Variants in PSMD14 observed in about 807,000 individuals in gnomAD.
The protein encoded by PSMD14 is ubiquitin C-terminal hydrolase PSMD14.
Under a neutral mutation model 41.2 loss-of-function variants are expected in PSMD14, and 7 were observed. The ratio of observed to expected loss-of-function variants is 0.17; its 90% CI spans 0.10 to 0.32. The LOEUF is 0.32. Ranked by LOEUF, PSMD14 falls within the 10% of genes least tolerant of loss-of-function variation. The pLI, the probability that PSMD14 is intolerant of heterozygous loss-of-function variation, is 1.00. For synonymous variants in PSMD14, 114 were observed against 122.3 expected (o/e 0.93, Z 0.45); for missense variants, 139 against 375.6 (o/e 0.37, Z 5.21).
chr2:161,388,506 C>T (rs1449915966), intron 8 of PSMD14, among the ~76,000 whole-genome samples: 1 of 151,940 alleles, frequency 6.6e-6, no homozygotes, highest in Non-Finnish European at 1.5e-5. Flanking sequence ...ATTTAAAGTA[C>T]AAAGTCATTT....
chr2:161,396,183 T>C (rs990454031), intron 10 of PSMD14, among the ~76,000 whole-genome samples: 1 of 152,060 alleles, frequency 6.6e-6, no homozygotes, highest in African/African-American at 2.4e-5. Flanking sequence ...GACTTGAACA[T>C]ACAAAGAAAT....
chr2:161,377,202 G>A (rs1683515403), intron 7 of PSMD14, among the ~76,000 whole-genome samples: 1 of 151,884 alleles, frequency 6.6e-6, no homozygotes, highest in Non-Finnish European at 1.5e-5. Context: ...CTAGGGCTGG[G>A]TAGTCCTAAT....
At chr2:161,314,387 A>G (rs1689125738) in intron 1 of PSMD14, among the ~76,000 whole-genome samples, 1 of 152,240 alleles carries the variant, frequency 6.6e-6, no homozygotes, top group Non-Finnish European at 1.5e-5. Flanking sequence ...TAATCTATTA[A>G]GGGGAAATTC....
chr2:161,374,940 G>C (rs1216477425), intron 7 of PSMD14, among the ~76,000 whole-genome samples: 1 of 151,978 alleles, frequency 6.6e-6, no homozygotes, highest in African/African-American at 2.4e-5. Flanking sequence ...GTTATTACCA[G>C]CTAACTAACT....
chr2:161,313,477 G>A (rs1474946417), intron 1 of PSMD14, among the ~76,000 whole-genome samples: 4 of 152,130 alleles, frequency 2.6e-5, no homozygotes, highest in Admixed American at 6.5e-5. Context: ...AGCCTCCCCA[G>A]TAGCTGGGAT....
At chr2:161,340,090 A>T (rs549041687) in intron 3 of PSMD14, among the ~76,000 whole-genome samples, 1 of 152,320 alleles carries the variant, frequency 6.6e-6, no homozygotes, top group East Asian at 1.9e-4. Context: ...TTTAAAGCAA[A>T]CATTATTGCT....
chr2:161,338,912 C>T (rs893368793), intron 3 of PSMD14, among the ~76,000 whole-genome samples: 5 of 152,140 alleles, frequency 3.3e-5, no homozygotes, highest in Admixed American at 2.6e-4. Flanking sequence ...AATAGGAACT[C>T]TTCTTTTTGT....
At chr2:161,322,313 C>A (rs1682619398) in intron 3 of PSMD14, among the ~76,000 whole-genome samples, 1 of 152,150 alleles carries the variant, frequency 6.6e-6, no homozygotes, top group Admixed American at 6.5e-5. Context: ...CACCTTGAGT[C>A]CCAGTGCCTT....
intron 11 of PSMD14, chr2:161,409,731 A>T (rs941605256): frequency 6.6e-6 from 1 of 152,148 alleles, no homozygotes; most frequent in Non-Finnish European, 1.5e-5. Context: ...TTACTCCAAC[A>T]GAGCAGTAGG....
Position 161,311,178 on chromosome 2 carries a change from G to A in PSMD14, c.-138+2574G>A, listed in dbSNP as rs138635471. 8.4e-4 allele frequency among the ~76,000 whole-genome samples: 128 copies of A among 152,134 alleles called. 1 individual carries two copies. The East Asian group carries it at 0.018, about 22-fold the overall frequency. On this transcript the variant is annotated intron_variant, in intron 1 of 11. Transcript: ENST00000409682. ...ACAAAAATTAGCCGGGCATGGGGGCGTGTGCCTGTAATCCCAGCTACTGGA... is the reference window on the plus strand; with the variant it reads ...ACAAAAATTAGCCGGGCATGGGGGCATGTGCCTGTAATCCCAGCTACTGGA...
At chr2:161,389,878 TC>T (rs1280619590) in intron 8 of PSMD14, among the ~76,000 whole-genome samples, 1 of 134,536 alleles carries the variant, frequency 7.4e-6, no homozygotes, top group Non-Finnish European at 1.6e-5. Flanking sequence ...TTATTTTCTT[TC>T]TTTTTTGTTG....
intron 1 of PSMD14, among the ~76,000 whole-genome samples, chr2:161,315,787 A>G (rs185805851): frequency 2.6e-5 from 4 of 151,960 alleles, no homozygotes; most frequent in South Asian, 2.1e-4. Context: ...CACAGTAATG[A>G]CATGATAGAA....
chr2:161,388,623 A>G (rs996680887), intron 8 of PSMD14, among the ~76,000 whole-genome samples: 1 of 152,124 alleles, frequency 6.6e-6, no homozygotes, highest in Admixed American at 6.6e-5. Context: ...TTTATATTCA[A>G]AAAGCTTCAT....
At chr2:161,359,046 A>G (rs1228737972) in intron 3 of PSMD14, among the ~76,000 whole-genome samples, 1 of 152,132 alleles carries the variant, frequency 6.6e-6, no homozygotes, top group Non-Finnish European at 1.5e-5. Context: ...ACAGCTCACT[A>G]CAGCCCCAGC....
chr2:161,325,981 TAC>T (rs1043350778), intron 3 of PSMD14, among the ~76,000 whole-genome samples: 11 of 152,232 alleles, frequency 7.2e-5, no homozygotes, highest in African/African-American at 2.2e-4. Flanking sequence ...CCTTATTCTA[TAC>T]AAAAAAAAAT....
rs372709404 is a variant in PSMD14, at chr2:161,371,998, C to T, written c.462+676C>T. ...TTTTTTTATTTCTTTCTTTCTAGCCCCATATGCCATTTTCCTATTTCCTGC... is the reference window on the plus strand; with the variant it reads ...TTTTTTTATTTCTTTCTTTCTAGCCTCATATGCCATTTTCCTATTTCCTGC... On this transcript the variant is annotated intron_variant, in intron 7 of 11. Coordinates refer to ENST00000409682, the MANE Select transcript of PSMD14 (RefSeq NM_005805.6). Among the ~76,000 whole-genome samples, 44 of 150,932 alleles carry T rather than the reference C, an allele frequency of 2.9e-4. No individual in the cohort carries two copies. The South Asian group carries it at 9.0e-3, about 31-fold the overall frequency.
chr2:161,326,961 G>A (rs1385414347), intron 3 of PSMD14, among the ~76,000 whole-genome samples: 1 of 151,426 alleles, frequency 6.6e-6, no homozygotes, highest in African/African-American at 2.4e-5. Context: ...TCTATCTATG[G>A]TTGGTTGAAT....
At chr2:161,386,061 G>A (rs1378077607) in intron 8 of PSMD14, among the ~76,000 whole-genome samples, 1 of 151,692 alleles carries the variant, frequency 6.6e-6, no homozygotes, top group Non-Finnish European at 1.5e-5. Flanking sequence ...ACATCCATAT[G>A]TTACTTGTGA....
At chr2:161,366,582 G>A (rs1683361793) in intron 3 of PSMD14, among the ~76,000 whole-genome samples, 1 of 152,062 alleles carries the variant, frequency 6.6e-6, no homozygotes, top group South Asian at 2.1e-4. Context: ...CAGGGAAAGG[G>A]AACTTTAAGC....
Sources: allele counts gnomAD v4.1 joint callset (sites outside exome capture counted in the v4.1 genomes callset), GRCh38; gene constraint gnomAD v4.1.1; transcripts MANE v1.5; gene names NCBI Gene and HGNC (gene_info 2026-07-23, HGNC 2026-07-21).